AHRR: variants seen among roughly 807,000 people sequenced by gnomAD.
AHRR encodes the protein ahR repressor.
AHRR carries 28 observed loss-of-function variants against 44.0 expected under a neutral mutation model. The observed-to-expected ratio is 0.64, with a 90% CI of 0.47 to 0.87. AHRR has a LOEUF of 0.87. AHRR is among the 40% of genes least tolerant of loss of function. AHRR has a pLI of 0.00. For synonymous variants in AHRR, 434 were observed against 407.0 expected, an observed-to-expected ratio of 1.07 and a Z score of -0.80; for missense variants, 990 against 953.9, an observed-to-expected ratio of 1.04 and a Z score of -0.50.
intron 5 of AHRR, among the ~76,000 whole-genome samples, chr5:421,749 G>C (rs941171809): frequency 1.1e-4 from 17 of 152,210 alleles, no homozygotes; most frequent in African/African-American, 3.6e-4. Context: ...TCCTCCTTCT[G>C]CTCTCCTGAG....
At chr5:335,810 C>G (rs1742099549) in intron 1 of AHRR, among the ~76,000 whole-genome samples, 1 of 152,254 alleles carries the variant, frequency 6.6e-6, no homozygotes, top group Admixed American at 6.5e-5. Flanking sequence ...TGGCCCGCAA[C>G]TCAGCTCCAG....
chr5:423,268 GT>G (rs1287430067), intron 6 of AHRR, among the ~76,000 whole-genome samples: 2 of 152,234 alleles, frequency 1.3e-5, no homozygotes, highest in Non-Finnish European at 2.9e-5. Context: ...GCCATTCAGA[GT>G]TGGTTGCCCC....
At chr5:324,856 G>C (rs73023466) in intron 1 of AHRR, among the ~76,000 whole-genome samples, 14,941 of 152,196 alleles carry the variant, frequency 0.098, 2,380 homozygotes, top group African/African-American at 0.33. Flanking sequence ...CTGTGGGGAG[G>C]GGGTAGGCAG....
chr5:396,188 C>G (rs1734698365), intron 4 of AHRR, among the ~76,000 whole-genome samples: 1 of 152,170 alleles, frequency 6.6e-6, no homozygotes, highest in Admixed American at 6.5e-5. Flanking sequence ...CCTGTCCTGG[C>G]CAGGACAAAT....
intron 3 of AHRR, 95 bp from the exon 4 acceptor site, chr5:376,515 G>A (rs1733666982): frequency 4.5e-6 from 6 of 1,326,312 alleles, no homozygotes; most frequent in Middle Eastern, 1.9e-4. Context: ...GAGAACCGTG[G>A]GGTGAACGCG....
rs10065971 is a variant in AHRR at position 424,216 on chromosome 5, G to A, written c.708+239G>A. Among the ~76,000 whole-genome samples the A allele has an allele frequency of 6.6e-4, 49 of 74,066 alleles. 1 individual carries two copies. The highest frequency in any genetic ancestry group is 3.5e-3 in the East Asian group (15 of 4,242). The allele number at this position is 74,066 out of a possible 152,430, so 48.6% of individuals were successfully genotyped here. A position where few individuals can be genotyped will look rare whatever the true frequency, so the allele number is the denominator to read the frequency against. On this transcript the variant is annotated intron_variant, in intron 7 of 10. Coordinates refer to ENST00000684583, the MANE Select transcript of AHRR (RefSeq NM_001377236.1). Reference sequence around the variant, plus strand: ...GCTCTGTGCACCCTGTGATGGTGTGGGGGTGTTAACCCATGTGTCTCTGGT... The same window carrying A: ...GCTCTGTGCACCCTGTGATGGTGTGAGGGTGTTAACCCATGTGTCTCTGGT...
At chr5:400,379 C>T (rs530414019) in intron 4 of AHRR, among the ~76,000 whole-genome samples, 6 of 152,172 alleles carry the variant, frequency 3.9e-5, no homozygotes, top group Admixed American at 2.0e-4. Flanking sequence ...TCACCTGCCT[C>T]GGCCCTCACC....
rs549475144 is a variant in AHRR at position 354,792 on chromosome 5, G to A, written c.244+881G>A. ...GAGTCAGGGTGGGGGCCTCCCCTGG[G>A]CGGGGGGCGTCTGTCTCAGGGTGCA... On this transcript the variant is annotated intron_variant, in intron 3 of 10. Coordinates refer to ENST00000684583, the MANE Select transcript of AHRR (RefSeq NM_001377236.1). 1.8e-3 allele frequency among the ~76,000 whole-genome samples: 272 copies of A among 152,326 alleles called. 2 individuals are homozygous for A. Among genetic ancestry groups the A allele is most frequent in the African/African-American group, 6.3e-3 (261 of 41,578 alleles).
chr5:347,199 C>T (rs6555192), intron 2 of AHRR, among the ~76,000 whole-genome samples: 13,098 of 152,198 alleles, frequency 0.086, 1,823 homozygotes, highest in African/African-American at 0.29. Context: ...ACCGTGTTTA[C>T]GCCTTTTGCT....
chr5:344,839 CTGTG>C (rs1160523808), intron 2 of AHRR, among the ~76,000 whole-genome samples: 1 of 87,398 alleles, frequency 1.1e-5, no homozygotes, highest in African/African-American at 1.0e-4. Context: ...CTGTAGGGAG[CTGTG>C]TGTGTGGGGT....
chr5:361,786 G>C (rs1330946199), intron 3 of AHRR, among the ~76,000 whole-genome samples: 1 of 152,198 alleles, frequency 6.6e-6, no homozygotes, highest in Non-Finnish European at 1.5e-5. Context: ...GGTCTCACAG[G>C]TTCTTGGCTG....
chr5:377,667 C>T (rs757805429), intron 4 of AHRR, among the ~76,000 whole-genome samples: 1 of 152,238 alleles, frequency 6.6e-6, no homozygotes, highest in South Asian at 2.1e-4. Context: ...TCCTGTGTGT[C>T]TCCAGGTCAG....
chr5:431,798 A>C (rs969288176), intron 8 of AHRR, among the ~76,000 whole-genome samples: 2 of 152,144 alleles, frequency 1.3e-5, no homozygotes, highest in African/African-American at 2.4e-5. Flanking sequence ...GCAGCCATTC[A>C]TGGACATAGA....
At chr5:373,358 C>T (rs747925088) in intron 3 of AHRR, among the ~76,000 whole-genome samples, 1 of 152,246 alleles carries the variant, frequency 6.6e-6, no homozygotes, top group Admixed American at 6.5e-5. Context: ...TCTGCAGACC[C>T]TGCGGGACCA....
At chr5:380,182 A>G (rs570044780) in intron 4 of AHRR, among the ~76,000 whole-genome samples, 8 of 152,316 alleles carry the variant, frequency 5.3e-5, no homozygotes, top group African/African-American at 1.9e-4. Context: ...TCTGTTCTAT[A>G]TATCTGTATT....
rs1455272704 is a variant in AHRR, at chr5:340,684, ATATATTTTTTTTT to A, written c.-10-3207_-10-3195del. ...CAATATTATATATATATATATATAT[ATATATTTTTTTTT>A]TTTTTTTTTTTTTTTTGAGTTGGAG... On this transcript the variant is annotated intron_variant, in intron 1 of 10. Transcript: ENST00000684583. 9.9e-4 allele frequency among the ~76,000 whole-genome samples: 26 copies of A among 26,148 alleles called. 1 individual carries two copies. Among genetic ancestry groups the A allele is most frequent in the South Asian group, 1.4e-3 (1 of 694 alleles). The allele number at this position is 26,148 out of a possible 152,430, so 17.2% of individuals were successfully genotyped here.
intron 5 of AHRR, 124 bp from the exon 6 acceptor site, chr5:422,603 TTC>T: frequency 1.5e-6 from 2 of 1,325,330 alleles, no homozygotes; most frequent in South Asian, 1.2e-5. Context: ...TTCGGTGGGA[TTC>T]TCTCCCTGTG....
At chr5:349,523 T>G (rs959014107) in intron 2 of AHRR, among the ~76,000 whole-genome samples, 3 of 149,586 alleles carry the variant, frequency 2.0e-5, no homozygotes, top group Non-Finnish European at 2.9e-5. Flanking sequence ...GAGCTTGCAG[T>G]GAGCCAAGAT....
intron 1 of AHRR, among the ~76,000 whole-genome samples, chr5:334,673 C>T (rs771192356): frequency 6.6e-6 from 1 of 151,810 alleles, no homozygotes; most frequent in Non-Finnish European, 1.5e-5. Context: ...ATTTTGAATT[C>T]TTTATCTGGG....
Sources: allele counts gnomAD v4.1 joint callset (sites outside exome capture counted in the v4.1 genomes callset), GRCh38; gene constraint gnomAD v4.1.1; transcripts MANE v1.5; gene names NCBI Gene and HGNC (gene_info 2026-07-23, HGNC 2026-07-21).